The following KSR2 variants were observed in gnomAD, a reference collection of about 807,000 sequenced individuals.
KSR2 encodes kinase suppressor of ras 2.
In KSR2, 25 loss-of-function variants were observed where a neutral mutation model predicts 107.8. That is an observed-to-expected ratio of 0.23 (90% CI 0.17 to 0.32). The LOEUF (loss-of-function observed/expected upper bound fraction) is 0.32. Ranked by LOEUF, KSR2 falls within the 10% of genes least tolerant of loss-of-function variation. The pLI is 1.00. For synonymous variants in KSR2, 480 were observed against 507.0 expected (o/e 0.95, Z 0.71); for missense variants, 887 against 1,268.9 (o/e 0.70, Z 4.57).
chr12:117,944,246 C>T (rs1038261371), intron 1 of KSR2, among the ~76,000 whole-genome samples: 5 of 151,946 alleles, frequency 3.3e-5, no homozygotes, highest in Admixed American at 1.3e-4. Context: ...CATGGTGGTG[C>T]ACGCCTATAA....
At chr12:117,610,430 T>C (rs1293019041) in intron 5 of KSR2, among the ~76,000 whole-genome samples, 1 of 152,110 alleles carries the variant, frequency 6.6e-6, no homozygotes. Flanking sequence ...TGAGATACTA[T>C]GCAGCCATTA....
At chr12:117,650,255 A>T (rs888974443) in intron 5 of KSR2, among the ~76,000 whole-genome samples, 5 of 152,184 alleles carry the variant, frequency 3.3e-5, no homozygotes, top group African/African-American at 1.2e-4. Flanking sequence ...CCCGTGCTGG[A>T]TGCTTCCTGC....
intron 3 of KSR2, among the ~76,000 whole-genome samples, chr12:117,783,945 A>C (rs1423302920): frequency 6.6e-6 from 1 of 152,202 alleles, no homozygotes; most frequent in African/African-American, 2.4e-5. Context: ...AAAGCCCCCA[A>C]AAGATATCCC....
chr12:117,588,365 G>C (rs11068556), intron 5 of KSR2, among the ~76,000 whole-genome samples: 6,768 of 152,216 alleles, frequency 0.044, 441 homozygotes, highest in African/African-American at 0.14. Context: ...ATGGGAAGAA[G>C]GCAAAGCCAG....
At chr12:117,483,832 G>A (rs1396236360) in intron 16 of KSR2, among the ~76,000 whole-genome samples, 1 of 152,224 alleles carries the variant, frequency 6.6e-6, no homozygotes, top group African/African-American at 2.4e-5. Flanking sequence ...TGGGCACTGG[G>A]TGGATGCTTG....
At chr12:117,722,224 T>C (rs1887237450) in intron 4 of KSR2, among the ~76,000 whole-genome samples, 1 of 152,142 alleles carries the variant, frequency 6.6e-6, no homozygotes, top group African/African-American at 2.4e-5. Context: ...GTGGCTACCA[T>C]ATTAGACAAT....
intron 13 of KSR2, among the ~76,000 whole-genome samples, chr12:117,526,741 C>A (rs1253941074): frequency 6.6e-6 from 1 of 152,178 alleles, no homozygotes; most frequent in African/African-American, 2.4e-5. Context: ...GCCCCCACCT[C>A]TTCCCACATA....
At chr12:117,837,591 A>C (rs917872880) in intron 3 of KSR2, among the ~76,000 whole-genome samples, 1 of 152,156 alleles carries the variant, frequency 6.6e-6, no homozygotes, top group East Asian at 1.9e-4. Flanking sequence ...CCTGACGCTC[A>C]GTTCCTCCAC....
chr12:117,508,830 G>C (rs945478594), intron 14 of KSR2, among the ~76,000 whole-genome samples: 2 of 151,512 alleles, frequency 1.3e-5, no homozygotes, highest in Non-Finnish European at 2.9e-5. Flanking sequence ...TAGATGGATA[G>C]GTGGATGTTA....
intron 3 of KSR2, among the ~76,000 whole-genome samples, chr12:117,824,048 A>G (rs1002195145): frequency 1.3e-5 from 2 of 152,248 alleles, no homozygotes; most frequent in African/African-American, 2.4e-5. Context: ...GTATATATAC[A>G]CAATGGAATA....
intron 5 of KSR2, among the ~76,000 whole-genome samples, chr12:117,654,572 T>C (rs1460173441): frequency 2.0e-5 from 3 of 152,160 alleles, no homozygotes; most frequent in Non-Finnish European, 4.4e-5. Context: ...GTGCACCTGG[T>C]TGTGGACTTT....
At chr12:117,514,198 C>A (rs1874218219) in intron 14 of KSR2, among the ~76,000 whole-genome samples, 1 of 152,336 alleles carries the variant, frequency 6.6e-6, no homozygotes, top group Admixed American at 6.5e-5. Flanking sequence ...TTTCCAAAGG[C>A]CTGCCAACTC....
At chr12:117,890,132 A>G (rs867389537) in intron 1 of KSR2, among the ~76,000 whole-genome samples, 103 of 152,174 alleles carry the variant, frequency 6.8e-4, no homozygotes, top group African/African-American at 2.2e-3. Flanking sequence ...TGGTCCAGGG[A>G]CCGCATTTTG....
chr12:117,794,535 A>G (rs1010335809), intron 3 of KSR2, among the ~76,000 whole-genome samples: 10 of 145,454 alleles, frequency 6.9e-5, no homozygotes, highest in South Asian at 2.2e-4. Context: ...ATGCACACAC[A>G]ACATGCACAC....
chr12:117,537,071 A>G (rs2221254), intron 10 of KSR2, among the ~76,000 whole-genome samples: 98,860 of 152,000 alleles, frequency 0.65, 32,298 homozygotes, highest in Admixed American at 0.74. Context: ...ATATTAGCTG[A>G]GTGTGGTGGT....
Position 117,699,496 on chromosome 12 carries a change from C to T in KSR2, c.987-31838G>A, listed in dbSNP as rs1314894001. On this transcript the variant is annotated intron_variant, in intron 4 of 19. Coordinates refer to ENST00000339824, the MANE Select transcript of KSR2 (RefSeq NM_173598.6). The stretch of plus-strand genomic sequence containing the variant: ...ACCTGGGTGATGTAGCCTATTGCTT[C>T]CAGGCTACAAATCAGTACAGCATGT... Among the ~76,000 whole-genome samples, 3 of 152,168 alleles carry T rather than the reference C, an allele frequency of 2.0e-5. No homozygotes were observed. In the East Asian group the frequency reaches 5.8e-4, roughly 29 times the overall value.
rs138462873 is a variant in KSR2, at chr12:117,929,625, G to A, written c.180+38451C>T. Among the ~76,000 whole-genome samples the A allele has an allele frequency of 2.9e-3, 444 of 152,302 alleles. 1 individual carries two copies. Among genetic ancestry groups the A allele is most frequent in the Non-Finnish European group, 4.8e-3 (324 of 68,032 alleles). Reference sequence around the variant, plus strand: ...CCAACACAAGTGTCTGTCAGTAGACGAATGGATAAATGAAACGCAGTGTAT... The same window carrying A: ...CCAACACAAGTGTCTGTCAGTAGACAAATGGATAAATGAAACGCAGTGTAT... On this transcript the variant is annotated intron_variant, in intron 1 of 19. Coordinates refer to ENST00000339824, the MANE Select transcript of KSR2 (RefSeq NM_173598.6).
At chr12:117,584,991 G>A (rs1879903022) in intron 5 of KSR2, among the ~76,000 whole-genome samples, 1 of 152,228 alleles carries the variant, frequency 6.6e-6, no homozygotes, top group Admixed American at 6.5e-5. Flanking sequence ...CCAGAGGAGT[G>A]CTCTTCCCCC....
intron 5 of KSR2, among the ~76,000 whole-genome samples, chr12:117,634,959 G>A (rs1299899195): frequency 1.3e-5 from 2 of 152,172 alleles, no homozygotes; most frequent in Admixed American, 6.6e-5. Flanking sequence ...CCAGAGACCT[G>A]AGCCCTGGAT....
Sources: allele counts gnomAD v4.1 joint callset (sites outside exome capture counted in the v4.1 genomes callset), GRCh38; gene constraint gnomAD v4.1.1; transcripts MANE v1.5; gene names NCBI Gene and HGNC (gene_info 2026-07-23, HGNC 2026-07-21).